The following CFAP57 variants were observed in gnomAD, a reference collection of about 807,000 sequenced individuals.
The protein encoded by CFAP57 is cilia and flagella associated protein 57.
Under a neutral mutation model 146.8 loss-of-function variants are expected in CFAP57, and 116 were observed. The observed-to-expected ratio is 0.79, with a 90% CI of 0.68 to 0.92. The LOEUF (loss-of-function observed/expected upper bound fraction) is 0.92, where lower values mean the gene tolerates loss of function less well. CFAP57 is among the 40% of genes least tolerant of loss of function. CFAP57 has a pLI of 0.00. For missense variants in CFAP57, 1,377 were observed against 1,527.2 expected (o/e 0.90, Z 1.64); for synonymous variants, 518 against 552.8 (o/e 0.94, Z 0.88).
intron 6 of CFAP57, among the ~76,000 whole-genome samples, chr1:43,191,670 T>A (rs1247095018): frequency 6.6e-6 from 1 of 151,974 alleles, no homozygotes; most frequent in East Asian, 1.9e-4. Flanking sequence ...CCATTTTTTT[T>A]TATCTCTTTA....
chr1:43,244,899 T>C (rs1461215354), intron 22 of CFAP57, among the ~76,000 whole-genome samples: 5 of 151,950 alleles, frequency 3.3e-5, no homozygotes, highest in African/African-American at 7.3e-5. Flanking sequence ...TGAGACTCCA[T>C]CTCAAAAAAC....
Position 43,172,925 on chromosome 1 carries a change from A to G in CFAP57, c.157+15A>G, listed in dbSNP as rs368565420. 1.4e-5 allele frequency: 22 copies of G among 1,609,978 alleles called. No individual in the cohort carries two copies. The highest frequency in any genetic ancestry group is 1.6e-4 in the Middle Eastern group (1 of 6,080). ...ATTCATTCCAGGTAAAACTTTTTCC[A>G]TCCTGACATATACAGGAATGGTATG... On this transcript the variant is annotated intron_variant, in intron 2 of 22. Transcript: ENST00000372492.
chr1:43,174,401 A>G (rs1168033528), intron 2 of CFAP57, among the ~76,000 whole-genome samples: 1 of 152,226 alleles, frequency 6.6e-6, no homozygotes, highest in East Asian at 1.9e-4. Context: ...ATTTGTCTAT[A>G]GATTATGCAG....
chr1:43,206,901 A>C lies in CFAP57; in HGVS notation c.1724A>C (p.Asp575Ala), dbSNP rs903346848. The change falls in exon 10 of 23, where the codon GAC (aspartate) becomes GCC (alanine). Residue 575 changes from aspartate (D) to alanine (A), a missense_variant. Coordinates refer to ENST00000372492, the MANE Select transcript of CFAP57 (RefSeq NM_001378189.1). ...AAAATTATCTTTGCTGTTGGATCAG[A>C]CCACACCCTCAAGGAGATTGCAGAT... Reference protein sequence around the residue: ...DAKIIFAVGSDHTLKEIADSL... With the variant: ...DAKIIFAVGSAHTLKEIADSL... 6.2e-7 allele frequency: 1 copy of C among 1,613,822 alleles called. No homozygotes were observed. Among genetic ancestry groups the C allele is most frequent in the African/African-American group, 1.3e-5 (1 of 74,978 alleles).
chr1:43,252,079 T>C (rs1004872564), intron 22 of CFAP57, among the ~76,000 whole-genome samples: 11 of 152,176 alleles, frequency 7.2e-5, no homozygotes, highest in Admixed American at 2.6e-4. Context: ...TTAGGAAAAC[T>C]TTGCTTTCCT....
rs1019204284 is a variant in CFAP57 at position 43,254,298 on chromosome 1, C to G, written c.*107C>G. ...TGTATGGTCCCTGCAGCACTGACCC[C>G]AGCAACCTCTTTCTCTTGCCCTGGG... is the stretch of plus-strand genomic sequence containing the variant. On this transcript the variant is annotated 3_prime_UTR_variant, in exon 23 of 23. Transcript: ENST00000372492. 2.1e-6 allele frequency: 2 copies of G among 963,684 alleles called. No homozygotes were observed. Among genetic ancestry groups the G allele is most frequent in the African/African-American group, 3.3e-5 (2 of 60,280 alleles). 59.7% of individuals were successfully genotyped at this position (963,684 alleles called of 1,614,324 possible).
chr1:43,232,315 A>G (rs887911581), intron 18 of CFAP57, among the ~76,000 whole-genome samples, 193 bp from the exon 19 acceptor site: 1 of 152,210 alleles, frequency 6.6e-6, no homozygotes, highest in African/African-American at 2.4e-5. Context: ...GGTTTAGCAT[A>G]TCAGTCTAGG....
intron 18 of CFAP57, among the ~76,000 whole-genome samples, chr1:43,230,160 C>G (rs1222104912): frequency 1.3e-5 from 2 of 152,200 alleles, no homozygotes; most frequent in African/African-American, 2.4e-5. Flanking sequence ...CAATATACTC[C>G]TGTATGCCCT....
Position 43,234,655 on chromosome 1 carries a change from C to A in CFAP57, c.3405+17C>A. On this transcript the variant is annotated intron_variant, in intron 21 of 22. Coordinates refer to ENST00000372492, the MANE Select transcript of CFAP57 (RefSeq NM_001378189.1). ...ATCATGCAGGTACCTGCATGCTCCC[C>A]TCAGCCCCTGTGGAGGCCAAGCCAT... is the stretch of plus-strand genomic sequence containing the variant. The A allele has an allele frequency of 6.5e-7, 1 of 1,536,920 alleles. No homozygotes were observed. Among genetic ancestry groups the A allele is most frequent in the South Asian group, 1.2e-5 (1 of 82,566 alleles).
In CFAP57 at chr1:43,206,705, C is replaced by T; in HGVS notation, c.1543-15C>T. 6.2e-7 allele frequency: 1 copy of T among 1,613,762 alleles called. No individual in the cohort carries two copies. Among genetic ancestry groups the T allele is most frequent in the South Asian group, 1.1e-5 (1 of 91,048 alleles). ...TGTGTACACTCTTCACTGGATATGTCTTCCTCTCCTGCAGATTCGCTCAAT... is the reference window on the plus strand; with the variant it reads ...TGTGTACACTCTTCACTGGATATGTTTTCCTCTCCTGCAGATTCGCTCAAT... On this transcript the variant is annotated splice_polypyrimidine_tract_variant and intron_variant, in intron 9 of 22. Transcript: ENST00000372492.
Position 43,198,513 on chromosome 1 carries a change from A to C in CFAP57, c.1295A>C (p.Glu432Ala). The C allele has an allele frequency of 6.2e-7, 1 of 1,614,164 alleles. No individual in the cohort carries two copies. Among genetic ancestry groups the C allele is most frequent in the East Asian group, 2.2e-5 (1 of 44,880 alleles). Reference protein sequence around the residue: ...TLELFKEYQEEAYSISLHPSG... With the variant: ...TLELFKEYQEAAYSISLHPSG... ...GAACTATTTAAGGAATACCAAGAAG[A>C]GGCATATTCCATCAGCCTTCATCCA... Residue 432 changes from glutamate to alanine, a missense_variant, in exon 8 of 23, where the codon GAG becomes GCG. Glu to Ala is a moderately radical substitution (Grantham distance 107). Coordinates refer to ENST00000372492, the MANE Select transcript of CFAP57 (RefSeq NM_001378189.1).
chr1:43,224,518 C>G (rs1182741935), intron 17 of CFAP57, among the ~76,000 whole-genome samples: 1 of 152,174 alleles, frequency 6.6e-6, no homozygotes, highest in African/African-American at 2.4e-5. Context: ...CAATAAGAAC[C>G]GAGTCAGCTG....
chr1:43,206,312 A>G (rs1644355480), intron 9 of CFAP57: 1 of 190,588 alleles, frequency 5.2e-6, no homozygotes, highest in African/African-American at 2.3e-5. Context: ...GTTAACCTAC[A>G]TTGTCAGAGA....
chr1:43,179,438 TG>T (rs1645301880), intron 2 of CFAP57, among the ~76,000 whole-genome samples: 1 of 152,062 alleles, frequency 6.6e-6, no homozygotes, highest in Non-Finnish European at 1.5e-5. Flanking sequence ...CACTGGTGAT[TG>T]AATGAATGAA....
At chr1:43,244,450 A>T (rs983436641) in intron 22 of CFAP57, among the ~76,000 whole-genome samples, 1 of 152,210 alleles carries the variant, frequency 6.6e-6, no homozygotes, top group Non-Finnish European at 1.5e-5. Context: ...TACAAAATTA[A>T]ATACATATAT....
At chr1:43,173,513 T>C (rs1056088181) in intron 2 of CFAP57, among the ~76,000 whole-genome samples, 1 of 152,160 alleles carries the variant, frequency 6.6e-6, no homozygotes, top group African/African-American at 2.4e-5. Flanking sequence ...AATGTAGATC[T>C]GTGAACCCAG....
intron 6 of CFAP57, among the ~76,000 whole-genome samples, chr1:43,192,129 T>A (rs1476438859): frequency 6.6e-6 from 1 of 152,206 alleles, no homozygotes; most frequent in Non-Finnish European, 1.5e-5. Flanking sequence ...TTCTTTTAAA[T>A]TTATTAAGGT....
chr1:43,193,420 G>T (rs1202504128), intron 6 of CFAP57, among the ~76,000 whole-genome samples: 1 of 151,908 alleles, frequency 6.6e-6, no homozygotes, highest in Non-Finnish European at 1.5e-5. Flanking sequence ...TGGGGTTTTT[G>T]TTCTTCTGTT....
intron 9 of CFAP57, among the ~76,000 whole-genome samples, chr1:43,203,258 C>T (rs542542089): frequency 1.3e-5 from 2 of 151,986 alleles, no homozygotes; most frequent in South Asian, 4.2e-4. Flanking sequence ...GATCTTATCA[C>T]TGGGGAATTT....
Sources: gnomAD v4.1 joint callset for allele counts (sites outside exome capture counted in the v4.1 genomes callset) on GRCh38, gnomAD v4.1.1 for gene constraint, MANE v1.5 for transcripts, NCBI Gene and HGNC (gene_info 2026-07-23, HGNC 2026-07-21) for gene names.